ASPRV1: variants seen among roughly 807,000 people sequenced by gnomAD.
ASPRV1 encodes aspartic peptidase retroviral like 1, also known as retroviral-like aspartic protease 1.
ASPRV1 carries 7 observed loss-of-function variants against 11.0 expected under a neutral mutation model. That is an observed-to-expected ratio of 0.64 (90% CI 0.36 to 1.20). The LOEUF (loss-of-function observed/expected upper bound fraction) is 1.20. Ranked by LOEUF, ASPRV1 falls within the 50% of genes most tolerant of loss-of-function variation. The probability of loss-of-function intolerance (pLI) is 0.02; values close to 1 mark genes in which losing one functional copy is unlikely to be tolerated. For synonymous variants in ASPRV1, 136 were observed against 138.4 expected (o/e 0.98, Z 0.12); for missense variants, 299 against 320.0 (o/e 0.93, Z 0.50).
the ASPRV1 span, among the ~76,000 whole-genome samples, chr2:70,009,995 G>T: frequency 2.6e-5 from 4 of 152,184 alleles, no homozygotes; most frequent in Non-Finnish European, 5.9e-5. Context: ...GGTGCCTGAT[G>T]GGTGTGGCCG....
chr2:70,049,064 T>A, the ASPRV1 span: 2 of 151,800 alleles, frequency 1.3e-5, no homozygotes, highest in Non-Finnish European at 2.9e-5. Flanking sequence ...ATACTTTAAG[T>A]TTTAGGGTAC....
At chr2:70,021,484 A>C in the ASPRV1 span, among the ~76,000 whole-genome samples, 2 of 151,524 alleles carry the variant, frequency 1.3e-5, no homozygotes, top group South Asian at 2.1e-4. Context: ...ACGCCCGGCT[A>C]ATTTTTTGTA....
the ASPRV1 span, among the ~76,000 whole-genome samples, chr2:69,952,901 C>T: frequency 6.6e-6 from 1 of 152,172 alleles, no homozygotes; most frequent in Non-Finnish European, 1.5e-5. Flanking sequence ...TCCATGTTAC[C>T]TTTGGAATCA....
At chr2:69,974,504 G>A in the ASPRV1 span, among the ~76,000 whole-genome samples, 1 of 152,182 alleles carries the variant, frequency 6.6e-6, no homozygotes, top group African/African-American at 2.4e-5. Flanking sequence ...TTAACAATCA[G>A]CTCATAGGAA....
chr2:69,959,542 T>C (rs921399154), downstream of ASPRV1, among the ~76,000 whole-genome samples: 1 of 151,950 alleles, frequency 6.6e-6, no homozygotes, highest in African/African-American at 2.4e-5. Flanking sequence ...CATCAGGTCA[T>C]CTAGTTTCAG....
the ASPRV1 span, among the ~76,000 whole-genome samples, chr2:70,010,624 A>AT: frequency 6.6e-6 from 1 of 152,164 alleles, no homozygotes. Flanking sequence ...TAACAGGGAA[A>AT]TTAAATGATC....
chr2:69,937,614 GTTTGT>G, the ASPRV1 span, among the ~76,000 whole-genome samples: 2 of 152,148 alleles, frequency 1.3e-5, no homozygotes, highest in Non-Finnish European at 2.9e-5. Flanking sequence ...TTTCAGCCTA[GTTTGT>G]TTTGTTTTGT....
At chr2:69,981,713 T>C in the ASPRV1 span, among the ~76,000 whole-genome samples, 5 of 152,144 alleles carry the variant, frequency 3.3e-5, no homozygotes, top group Admixed American at 2.6e-4. Context: ...CATGCCACAA[T>C]GCTCAGCTAA....
At chr2:70,037,253 T>C in the ASPRV1 span, among the ~76,000 whole-genome samples, 3 of 152,138 alleles carry the variant, frequency 2.0e-5, no homozygotes, top group Non-Finnish European at 4.4e-5. Context: ...GATAAACACC[T>C]TGGCATAATC....
the ASPRV1 span, among the ~76,000 whole-genome samples, chr2:70,005,535 C>T: frequency 6.6e-6 from 1 of 152,140 alleles, no homozygotes; most frequent in Non-Finnish European, 1.5e-5. Flanking sequence ...TCTTAATTTG[C>T]TCCAGTTCCT....
Position 69,960,491 on chromosome 2 carries a change from A to T in ASPRV1, c.*166T>A, listed in dbSNP as rs1678043438. On this transcript the variant is annotated 3_prime_UTR_variant, in exon 1 of 1. Coordinates refer to ENST00000320256, the MANE Select transcript of ASPRV1 (RefSeq NM_152792.4). ...TGCCTGTTCAGTGGAAGCCTCCCCT[A>T]CCAGGGGCAGATTAAGGCCCCTGCA... 9 of 715,436 alleles carry T rather than the reference A, an allele frequency of 1.3e-5. No individual in the cohort carries two copies. Among genetic ancestry groups the T allele is most frequent in the Non-Finnish European group, 1.8e-5 (8 of 443,052 alleles). 44.3% of individuals were successfully genotyped at this position (715,436 alleles called of 1,614,324 possible). A position where few individuals can be genotyped will look rare whatever the true frequency, so the allele number is the denominator to read the frequency against.
chr2:69,933,858 T>C, the ASPRV1 span, among the ~76,000 whole-genome samples: 14 of 152,224 alleles, frequency 9.2e-5, no homozygotes, highest in African/African-American at 3.4e-4. Flanking sequence ...CTATAAGGCA[T>C]TGCATTGTTT....
chr2:69,933,134 G>A, the ASPRV1 span, among the ~76,000 whole-genome samples: 2 of 146,868 alleles, frequency 1.4e-5, no homozygotes, highest in African/African-American at 5.0e-5. Flanking sequence ...GGGAGGCAGA[G>A]GTTGCCATGA....
chr2:70,008,804 A>T, the ASPRV1 span, among the ~76,000 whole-genome samples: 1 of 152,120 alleles, frequency 6.6e-6, no homozygotes, highest in Non-Finnish European at 1.5e-5. Flanking sequence ...GCCCCCAGCC[A>T]GCCTGGGGAG....
chr2:70,039,555 G>A, the ASPRV1 span, among the ~76,000 whole-genome samples: 1 of 152,118 alleles, frequency 6.6e-6, no homozygotes, highest in South Asian at 2.1e-4. Flanking sequence ...ATTACATGAG[G>A]TTCCACAGTG....
chr2:69,996,088 T>G, the ASPRV1 span, among the ~76,000 whole-genome samples: 1 of 151,670 alleles, frequency 6.6e-6, no homozygotes, highest in East Asian at 1.9e-4. Context: ...CAGTTTAAAT[T>G]ACAATTTTAA....
chr2:70,009,634 C>T, the ASPRV1 span, among the ~76,000 whole-genome samples: 2 of 152,124 alleles, frequency 1.3e-5, no homozygotes, highest in African/African-American at 2.4e-5. Flanking sequence ...CTGGCCATAA[C>T]TTACTATCTT....
the ASPRV1 span, among the ~76,000 whole-genome samples, chr2:70,066,570 T>C: frequency 1.3e-5 from 2 of 151,746 alleles, no homozygotes; most frequent in Non-Finnish European, 2.9e-5. Context: ...AGCAGGAGAA[T>C]TATCATTTAA....
the ASPRV1 span, chr2:70,085,869 C>T: frequency 2.0e-5 from 3 of 152,264 alleles, no homozygotes; most frequent in Non-Finnish European, 4.4e-5. Context: ...TCGTAGCTCT[C>T]GTTCTCTCCA....
Sources: allele counts gnomAD v4.1 joint callset (sites outside exome capture counted in the v4.1 genomes callset), GRCh38; gene constraint gnomAD v4.1.1; transcripts MANE v1.5; gene names NCBI Gene and HGNC (gene_info 2026-07-23, HGNC 2026-07-21).